ECM2: variants seen among roughly 807,000 people sequenced by gnomAD.
The protein encoded by ECM2 is extracellular matrix protein 2, female organ and adipocyte specific.
In ECM2, 57 loss-of-function variants were observed where a neutral mutation model predicts 67.5. The observed-to-expected ratio is 0.84, with a 90% CI of 0.68 to 1.05. ECM2 has a LOEUF of 1.05. Among genes scored for constraint, ECM2 ranks in the 50% least tolerant of loss-of-function variants. ECM2 has a pLI of 0.00. For missense variants in ECM2, 741 were observed against 822.8 expected, an observed-to-expected ratio of 0.90 and a Z score of 1.22; for synonymous variants, 258 against 294.5, an observed-to-expected ratio of 0.88 and a Z score of 1.27.
chr9:92,544,960 G>C, the ECM2 span, among the ~76,000 whole-genome samples: 1 of 152,100 alleles, frequency 6.6e-6, no homozygotes, highest in Non-Finnish European at 1.5e-5. Context: ...GACCTCAGGT[G>C]ATCCACCCGC....
the ECM2 span, among the ~76,000 whole-genome samples, chr9:92,558,595 T>C: frequency 2.0e-5 from 3 of 152,146 alleles, no homozygotes; most frequent in Non-Finnish European, 4.4e-5. Flanking sequence ...GATTTAATTA[T>C]CTATTTTTGT....
At chr9:92,494,014 G>A, downstream of ECM2, 1 of 1,518,226 alleles carries the variant, frequency 6.6e-7, no homozygotes, top group Non-Finnish European at 9.0e-7. Context: ...TCGTCGCATT[G>A]TCACCCATTT....
At chr9:92,502,283 G>A (rs1420572297) in intron 8 of ECM2, among the ~76,000 whole-genome samples, 2 of 152,174 alleles carry the variant, frequency 1.3e-5, no homozygotes, top group Non-Finnish European at 2.9e-5. Flanking sequence ...GACAACAACA[G>A]TAGTTACTGC....
the ECM2 span, among the ~76,000 whole-genome samples, chr9:92,548,016 T>G: frequency 6.6e-6 from 1 of 152,240 alleles, no homozygotes; most frequent in East Asian, 1.9e-4. Flanking sequence ...TATGTGGATA[T>G]GTATGTAAAA....
At chr9:92,526,463 A>G (rs1384448591) in intron 1 of ECM2, among the ~76,000 whole-genome samples, 1 of 152,138 alleles carries the variant, frequency 6.6e-6, no homozygotes, top group Non-Finnish European at 1.5e-5. Flanking sequence ...AGCAATAAAC[A>G]CCTACATCAA....
upstream of ECM2, among the ~76,000 whole-genome samples, chr9:92,539,439 T>G (rs982757470): frequency 6.7e-6 from 1 of 150,158 alleles, no homozygotes; most frequent in Non-Finnish European, 1.5e-5. Context: ...TTTTATGGGT[T>G]TGAGTCCCAT....
intron 2 of ECM2, among the ~76,000 whole-genome samples, chr9:92,518,715 C>T (rs1295546977): frequency 6.6e-6 from 1 of 152,026 alleles, no homozygotes; most frequent in Non-Finnish European, 1.5e-5. Flanking sequence ...ATGGTGAAAC[C>T]CCATCTCCTC....
At position 92,514,793 on chromosome 9, in the gene ECM2, A is replaced by G. The variant is rs1421803063; in HGVS notation, c.892T>C (p.Phe298Leu). 1.2e-6 allele frequency: 2 copies of G among 1,613,746 alleles called. No individual in the cohort carries two copies. Among genetic ancestry groups the G allele is most frequent in the Admixed American group, 3.3e-5 (2 of 59,966 alleles). ...AGCGGGGATCGAGAGGGCATTCGGA[A>G]CATATCTCCTCTTACCGGGTCCTCC... The part of the protein sequence containing the change: ...DEEDPVRGDM[F>L]RMPSRSPLPA... Residue 298 changes from phenylalanine to leucine, a missense_variant, in exon 4 of 10, where the codon TTC becomes CTC. Phe to Leu is a conservative substitution (Grantham distance 22, BLOSUM62 0). Transcript: ENST00000344604.
At chr9:92,551,215 A>G in the ECM2 span, among the ~76,000 whole-genome samples, 1 of 152,226 alleles carries the variant, frequency 6.6e-6, no homozygotes, top group Non-Finnish European at 1.5e-5. Context: ...AGGAATTATC[A>G]TGAGTGGAAG....
At position 92,515,152 on chromosome 9, in the gene ECM2, G is replaced by A; in HGVS notation, c.533C>T (p.Ser178Phe). ...TTCTCTTTGTTCTGAAGAATCACCA[G>A]AAAATTCATTTCTATCATTTAATGC... Reference protein sequence around the residue: ...GIALNDRNEFSGDSSEQREPT... With the variant: ...GIALNDRNEFFGDSSEQREPT... The change falls in exon 4 of 10, where the codon TCT (serine) becomes TTT (phenylalanine). Residue 178 changes from serine (S) to phenylalanine (F), a missense_variant. Ser to Phe is a radical substitution (Grantham distance 155). Transcript: ENST00000344604. 1 of 1,609,714 alleles carries A rather than the reference G, an allele frequency of 6.2e-7. No homozygotes were observed. The highest frequency in any genetic ancestry group is 2.2e-5 in the East Asian group (1 of 44,862).
At chr9:92,557,420 A>G in the ECM2 span, among the ~76,000 whole-genome samples, 1 of 152,096 alleles carries the variant, frequency 6.6e-6, no homozygotes, top group Non-Finnish European at 1.5e-5. Context: ...TATGTTTTTC[A>G]AGCTTTTAGA....
intron 8 of ECM2, among the ~76,000 whole-genome samples, chr9:92,502,192 C>A (rs906700016): frequency 1.3e-5 from 2 of 152,158 alleles, no homozygotes; most frequent in Non-Finnish European, 2.9e-5. Context: ...AGTGGGCAGA[C>A]CTCGAAGTCA....
chr9:92,550,580 G>A, the ECM2 span, among the ~76,000 whole-genome samples: 2 of 150,752 alleles, frequency 1.3e-5, no homozygotes, highest in Non-Finnish European at 2.9e-5. Flanking sequence ...TTGATTTCCT[G>A]TCCTGCTGTA....
intron 3 of ECM2, 44 bp from the exon 4 acceptor site, chr9:92,515,247 T>C: frequency 7.0e-7 from 1 of 1,430,006 alleles, no homozygotes; most frequent in South Asian, 1.8e-5. Context: ...AAGTTGATGA[T>C]ATTAATAAAA....
Position 92,509,915 on chromosome 9 carries a change from A to G in ECM2, c.1290T>C (p.Asp430=). 1 of 1,602,182 alleles carries G rather than the reference A, an allele frequency of 6.2e-7. No individual in the cohort carries two copies. The highest frequency in any genetic ancestry group is 1.1e-5 in the South Asian group (1 of 88,470). The change falls in exon 6 of 10, where the codon GAT becomes GAC. Residue 430 remains aspartate, a synonymous_variant. Transcript: ENST00000344604. The part of the protein sequence containing the change: ...KVNENNLQAI[D]EESLSDLNQL... Reference sequence around the variant, plus strand: ...ATTAAATACCTGATAAACTTTCTTCATCGATAGCCTGAAGATTGTTCTCAT... The same window carrying G: ...ATTAAATACCTGATAAACTTTCTTCGTCGATAGCCTGAAGATTGTTCTCAT...
rs960797068 is a variant in ECM2, at chr9:92,514,851, C to T, written c.834G>A (p.Glu278=). The change falls in exon 4 of 10, where the codon GAG becomes GAA. Residue 278 remains glutamate, a synonymous_variant. Coordinates refer to ENST00000344604, the MANE Select transcript of ECM2 (RefSeq NM_001393.4). ...GREEEEDEEE[E]GEEGEEDEED... is the part of the protein sequence containing the mutation. ...CCTCATCCTCCTCACCCTCCTCACC[C>T]TCCTCCTCCTCATCCTCCTCCTCCT... 4.3e-6 allele frequency: 7 copies of T among 1,609,302 alleles called. No individual in the cohort carries two copies. The Admixed American group carries it at 1.0e-4, about 23-fold the overall frequency.
At position 92,496,240 on chromosome 9, in the gene ECM2, C is replaced by A; in HGVS notation, c.*75G>T. The A allele has an allele frequency of 6.7e-7, 1 of 1,499,094 alleles. No homozygotes were observed. The highest frequency in any genetic ancestry group is 1.4e-5 in the South Asian group (1 of 69,840). The allele number at this position is 1,499,094 out of a possible 1,614,324, so 92.9% of individuals were successfully genotyped here. A position where few individuals can be genotyped will look rare whatever the true frequency, so the allele number is the denominator to read the frequency against. On this transcript the variant is annotated 3_prime_UTR_variant, in exon 10 of 10. Coordinates refer to ENST00000344604, the MANE Select transcript of ECM2 (RefSeq NM_001393.4). ...ACTGAGTATAACAGGAGGATTATGT[C>A]TCTCTTATTAATGACAAATGCAGCT...
the ECM2 span, among the ~76,000 whole-genome samples, chr9:92,545,416 C>T: frequency 2.0e-5 from 3 of 152,164 alleles, no homozygotes; most frequent in Non-Finnish European, 4.4e-5. Context: ...GAGGGTGCGT[C>T]GGGTACCCCA....
At chr9:92,553,988 C>G in the ECM2 span, among the ~76,000 whole-genome samples, 1 of 152,276 alleles carries the variant, frequency 6.6e-6, no homozygotes, top group East Asian at 1.9e-4. Context: ...TTGTCTCATT[C>G]CAGTTCTCAG....
Sources: gnomAD v4.1 joint callset for allele counts (sites outside exome capture counted in the v4.1 genomes callset) on GRCh38, gnomAD v4.1.1 for gene constraint, MANE v1.5 for transcripts, NCBI Gene and HGNC (gene_info 2026-07-23, HGNC 2026-07-21) for gene names.